The following GPC6 variants were observed in gnomAD, a reference collection of about 807,000 sequenced individuals.
GPC6 encodes the protein glypican 6.
Under a neutral mutation model 55.2 loss-of-function variants are expected in GPC6, and 14 were observed. The ratio of observed to expected loss-of-function variants is 0.25; its 90% CI spans 0.17 to 0.40. The LOEUF is 0.40. GPC6 is among the 10% of genes least tolerant of loss of function. The probability of loss-of-function intolerance (pLI) is 1.00; values close to 1 mark genes in which losing one functional copy is unlikely to be tolerated. For synonymous variants in GPC6, 278 were observed against 259.6 expected (o/e 1.07, Z -0.68); for missense variants, 641 against 708.5 (o/e 0.90, Z 1.08).
intron 4 of GPC6, among the ~76,000 whole-genome samples, chr13:94,244,664 G>C (rs953186318): frequency 2.0e-5 from 3 of 152,054 alleles, no homozygotes; most frequent in Non-Finnish European, 4.4e-5. Context: ...ATTTATATGA[G>C]AGATGAGAAT....
At chr13:94,291,298 C>A (rs553747231) in intron 5 of GPC6, among the ~76,000 whole-genome samples, 2 of 151,956 alleles carry the variant, frequency 1.3e-5, no homozygotes, top group South Asian at 4.2e-4. Flanking sequence ...ATGACAGAAA[C>A]AAAATAGTGT....
chr13:93,557,358 A>G (rs1313397258), intron 2 of GPC6, among the ~76,000 whole-genome samples: 2 of 152,186 alleles, frequency 1.3e-5, no homozygotes, highest in African/African-American at 4.8e-5. Flanking sequence ...GCCTACAGCA[A>G]TATAAATCTG....
At position 93,870,079 on chromosome 13, in the gene GPC6, G is replaced by T. The variant is rs144304376; in HGVS notation, c.711+39534G>T. 2.2e-4 allele frequency among the ~76,000 whole-genome samples: 33 copies of T among 151,938 alleles called. 1 individual carries two copies. Among genetic ancestry groups the T allele is most frequent in the African/African-American group, 7.9e-4 (33 of 41,520 alleles). ...AGATTCAGGATTTGAATCCTTAACT[G>T]CCTCCCAAGTGAAGCACCCTGACTT... On this transcript the variant is annotated intron_variant, in intron 3 of 8. Coordinates refer to ENST00000377047, the MANE Select transcript of GPC6 (RefSeq NM_005708.5).
Position 94,190,949 on chromosome 13 carries a change from C to CAT in GPC6, c.878-95390_878-95389dup, listed in dbSNP as rs931264637. 4.9e-4 allele frequency among the ~76,000 whole-genome samples: 75 copies of CAT among 151,888 alleles called. 1 individual carries two copies. The highest frequency in any genetic ancestry group is 1.5e-3 in the African/African-American group (62 of 41,430). On this transcript the variant is annotated intron_variant, in intron 4 of 8. Coordinates refer to ENST00000377047, the MANE Select transcript of GPC6 (RefSeq NM_005708.5). Reference sequence around the variant, plus strand: ...AAGTAGTAATGTGTATACTATCTCACATATATATATAAGAGAGAGAGTGAC... The same window carrying CAT: ...AAGTAGTAATGTGTATACTATCTCACATATATATATATAAGAGAGAGAGTGAC...
At chr13:93,733,148 T>G (rs1332464898) in intron 2 of GPC6, among the ~76,000 whole-genome samples, 9 of 152,110 alleles carry the variant, frequency 5.9e-5, no homozygotes, top group Admixed American at 5.9e-4. Flanking sequence ...ATATTATATT[T>G]GCTAATGGAG....
intron 2 of GPC6, among the ~76,000 whole-genome samples, chr13:93,774,157 C>T (rs1051469536): frequency 2.0e-5 from 3 of 152,144 alleles, no homozygotes; most frequent in African/African-American, 7.2e-5. Flanking sequence ...TATGTATAGA[C>T]CAATTTGCCA....
chr13:94,279,719 C>A (rs920540801), intron 4 of GPC6, among the ~76,000 whole-genome samples: 2 of 152,244 alleles, frequency 1.3e-5, no homozygotes, highest in South Asian at 4.1e-4. Flanking sequence ...CACTCAGGAG[C>A]AGGTTGTTCC....
intron 4 of GPC6, among the ~76,000 whole-genome samples, chr13:94,222,219 A>G (rs1314662946): frequency 6.6e-6 from 1 of 152,086 alleles, no homozygotes; most frequent in African/African-American, 2.4e-5. Flanking sequence ...TGTTCTTCTC[A>G]AAATAAATTG....
At chr13:93,964,668 G>A (rs766537538) in intron 3 of GPC6, among the ~76,000 whole-genome samples, 34 of 152,276 alleles carry the variant, frequency 2.2e-4, no homozygotes, top group Non-Finnish European at 4.0e-4. Flanking sequence ...TCTGAATAGC[G>A]TATTTTATTC....
At chr13:94,138,047 G>A (rs1445335049) in intron 4 of GPC6, among the ~76,000 whole-genome samples, 2 of 152,148 alleles carry the variant, frequency 1.3e-5, no homozygotes, top group Non-Finnish European at 2.9e-5. Flanking sequence ...ATTGTATAGT[G>A]TTTGCTAAAT....
chr13:93,520,393 A>C (rs1566401732), intron 1 of GPC6, among the ~76,000 whole-genome samples: 1 of 151,900 alleles, frequency 6.6e-6, no homozygotes, highest in Non-Finnish European at 1.5e-5. Flanking sequence ...TGACAAATTG[A>C]CCTATTAACA....
chr13:94,402,959 C>T, intron 8 of GPC6, 56 bp from the exon 9 acceptor site: 1 of 1,264,828 alleles, frequency 7.9e-7, no homozygotes, highest in Non-Finnish European at 1.2e-6. Context: ...TGGGTGGGGC[C>T]ACAAAGCCTA....
intron 2 of GPC6, among the ~76,000 whole-genome samples, chr13:93,581,056 T>G (rs1384581216): frequency 1.3e-5 from 2 of 152,224 alleles, no homozygotes; most frequent in Non-Finnish European, 2.9e-5. Flanking sequence ...TTTTAAATTG[T>G]ATTTCTAAAA....
chr13:94,395,020 CT>C (rs771539868), intron 7 of GPC6, among the ~76,000 whole-genome samples: 2 of 152,190 alleles, frequency 1.3e-5, no homozygotes, highest in Non-Finnish European at 2.9e-5. Flanking sequence ...ATAGGTACAA[CT>C]GCAGGAGTCA....
At chr13:94,137,862 A>G (rs2138875941) in intron 4 of GPC6, among the ~76,000 whole-genome samples, 1 of 152,352 alleles carries the variant, frequency 6.6e-6, no homozygotes, top group South Asian at 2.1e-4. Context: ...GAGGGGCCAC[A>G]TCAGATTTTT....
chr13:93,757,602 A>T (rs1343475100), intron 2 of GPC6, among the ~76,000 whole-genome samples: 1 of 152,160 alleles, frequency 6.6e-6, no homozygotes, highest in Non-Finnish European at 1.5e-5. Flanking sequence ...GAGTCCTTTC[A>T]GAGCTCACAT....
chr13:94,262,906 G>A (rs1230395142), intron 4 of GPC6, among the ~76,000 whole-genome samples: 1 of 152,172 alleles, frequency 6.6e-6, no homozygotes, highest in Non-Finnish European at 1.5e-5. Flanking sequence ...CAAAGAGATT[G>A]AGAGTAATAA....
intron 1 of GPC6, among the ~76,000 whole-genome samples, chr13:93,237,579 A>G (rs1170583552): frequency 1.3e-5 from 2 of 152,100 alleles, no homozygotes; most frequent in Non-Finnish European, 2.9e-5. Flanking sequence ...AATTAAGTCT[A>G]ACTTATGTAT....
chr13:93,490,184 T>C (rs1186484883), intron 1 of GPC6, among the ~76,000 whole-genome samples: 1 of 151,566 alleles, frequency 6.6e-6, no homozygotes, highest in Non-Finnish European at 1.5e-5. Context: ...CGAAGGGCTG[T>C]TGAATTTTGT....
Sources: gnomAD v4.1 joint callset for allele counts (sites outside exome capture counted in the v4.1 genomes callset) on GRCh38, gnomAD v4.1.1 for gene constraint, MANE v1.5 for transcripts, NCBI Gene and HGNC (gene_info 2026-07-23, HGNC 2026-07-21) for gene names.